The following AGPAT3 variants were observed in gnomAD, a reference collection of about 807,000 sequenced individuals.
AGPAT3 encodes the protein 1-acyl-sn-glycerol-3-phosphate acyltransferase gamma.
A neutral mutation model predicts 47.3 loss-of-function variants in AGPAT3; 5 were observed. The ratio of observed to expected loss-of-function variants is 0.11; its 90% CI spans 0.06 to 0.22. AGPAT3 has a LOEUF of 0.22. Among genes scored for constraint, AGPAT3 ranks in the 10% least tolerant of loss-of-function variants. The pLI, the probability that AGPAT3 is intolerant of heterozygous loss-of-function variation, is 1.00. For synonymous variants in AGPAT3, 212 were observed against 208.3 expected, an observed-to-expected ratio of 1.02 and a Z score of -0.15; for missense variants, 315 against 493.0, an observed-to-expected ratio of 0.64 and a Z score of 3.42.
intron 2 of AGPAT3, among the ~76,000 whole-genome samples, chr21:43,945,349 G>C (rs1054298101): frequency 9.2e-5 from 14 of 152,156 alleles, no homozygotes; most frequent in Non-Finnish European, 4.4e-5. Flanking sequence ...AAGAAAATTC[G>C]GCTGAACTGT....
At chr21:43,961,829 T>C (rs2088880660) in intron 3 of AGPAT3, among the ~76,000 whole-genome samples, 2 of 152,184 alleles carry the variant, frequency 1.3e-5, no homozygotes. Context: ...TGTAACCTTG[T>C]CTGCACGATC....
chr21:43,955,146 C>T lies in AGPAT3; in HGVS notation c.-48-4488C>T, dbSNP rs770130829. 5.9e-5 allele frequency: 75 copies of T among 1,276,060 alleles called. No homozygotes were observed. Among genetic ancestry groups the T allele is most frequent in the Non-Finnish European group, 6.3e-5 (62 of 980,510 alleles). The allele number at this position is 1,276,060 out of a possible 1,614,324, so 79.0% of individuals were successfully genotyped here. A position where few individuals can be genotyped will look rare whatever the true frequency, so the allele number is the denominator to read the frequency against. ...GGGGGTCACTCAGCAGCCACGGATG[C>T]GCCCTGGGTGCTGTCCCGGGGCCGT... On this transcript the variant is annotated intron_variant, in intron 2 of 9. Coordinates refer to ENST00000291572, the MANE Select transcript of AGPAT3 (RefSeq NM_020132.5). This position sits in a 1 kb window ranked among gnomAD's most constrained non-coding sequence, Gnocchi z 4.1.
chr21:43,926,476 G>T (rs553403791), intron 2 of AGPAT3, among the ~76,000 whole-genome samples: 1 of 152,146 alleles, frequency 6.6e-6, no homozygotes, highest in South Asian at 2.1e-4. Flanking sequence ...GCGTTGGCTC[G>T]GGTGTTTCAT....
intron 1 of AGPAT3, among the ~76,000 whole-genome samples, chr21:43,878,421 G>A (rs779163024): frequency 3.9e-5 from 6 of 152,184 alleles, no homozygotes; most frequent in Non-Finnish European, 5.9e-5. Flanking sequence ...TTGCCCCCTC[G>A]AGGGAGGGCT....
chr21:43,892,491 A>G (rs1463829827), intron 1 of AGPAT3, among the ~76,000 whole-genome samples: 1 of 152,210 alleles, frequency 6.6e-6, no homozygotes, highest in East Asian at 1.9e-4. Context: ...CCTGAGCAGT[A>G]GGTCTCAACA....
Position 43,868,617 on chromosome 21 carries a change from C to T in AGPAT3, c.-112+3272C>T, listed in dbSNP as rs534639890. Among the ~76,000 whole-genome samples the T allele has an allele frequency of 2.0e-5, 3 of 152,286 alleles. No homozygotes were observed. In the South Asian group the frequency reaches 6.2e-4, roughly 32 times the overall value. ...ACAAGCTGTACAAGGAAATACCTGT[C>T]CTGAGATCGATTACTCACCCCTGAC... is the stretch of plus-strand genomic sequence containing the variant. On this transcript the variant is annotated intron_variant, in intron 1 of 9. Coordinates refer to ENST00000291572, the MANE Select transcript of AGPAT3 (RefSeq NM_020132.5).
At chr21:43,938,689 G>C (rs2087534771) in intron 2 of AGPAT3, among the ~76,000 whole-genome samples, 1 of 152,194 alleles carries the variant, frequency 6.6e-6, no homozygotes. Context: ...GATCTGCCTG[G>C]TTGCCTTACC....
Position 43,937,368 on chromosome 21 carries a change from C to T in AGPAT3, c.-48-22266C>T, listed in dbSNP as rs146793487. Reference sequence around the variant, plus strand: ...AGGTGGGAAGCCCCAGGGGTCAGCTCCTCTACGCTGGCCTTTGCTTGGCTT... The same window carrying T: ...AGGTGGGAAGCCCCAGGGGTCAGCTTCTCTACGCTGGCCTTTGCTTGGCTT... On this transcript the variant is annotated intron_variant, in intron 2 of 9. Transcript: ENST00000291572. Among the ~76,000 whole-genome samples, 4 of 152,342 alleles carry T rather than the reference C, an allele frequency of 2.6e-5. No homozygotes were observed. The East Asian group carries it at 7.7e-4, about 29-fold the overall frequency.
rs544257477 is a variant in AGPAT3 at position 43,955,110 on chromosome 21, G to A, written c.-48-4524G>A. On this transcript the variant is annotated intron_variant, in intron 2 of 9. Coordinates refer to ENST00000291572, the MANE Select transcript of AGPAT3 (RefSeq NM_020132.5). The surrounding 1 kb of genome is among the most constrained non-coding windows in gnomAD (Gnocchi z 4.1). ...GGCAGGGAGCGTATCACCGTGGCAC[G>A]TCCATGCCGTGGGGGTCACTCAGCA... 27 of 1,272,032 alleles carry A rather than the reference G, an allele frequency of 2.1e-5. No homozygotes were observed. The highest frequency in any genetic ancestry group is 9.2e-5 in the African/African-American group (6 of 65,444). The allele number at this position is 1,272,032 out of a possible 1,614,324, so 78.8% of individuals were successfully genotyped here.
intron 1 of AGPAT3, among the ~76,000 whole-genome samples, chr21:43,893,962 G>A (rs2086156952): frequency 6.6e-6 from 1 of 152,220 alleles, no homozygotes; most frequent in Non-Finnish European, 1.5e-5. Context: ...AGCACTTGAT[G>A]TTGGAAAAAC....
At chr21:43,960,757 G>A (rs1438584213) in intron 3 of AGPAT3, 1 of 985,286 alleles carries the variant, frequency 1.0e-6, no homozygotes, top group Non-Finnish European at 1.2e-6. Context: ...AAGCGAAAAA[G>A]GAAGTATACA....
At chr21:43,962,799 C>A (rs1450260489) in intron 3 of AGPAT3, among the ~76,000 whole-genome samples, 4 of 152,180 alleles carry the variant, frequency 2.6e-5, no homozygotes, top group African/African-American at 9.7e-5. Flanking sequence ...GAGAAAGTCT[C>A]ATTCAGGCCT....
chr21:43,964,598 C>G lies in AGPAT3; in HGVS notation c.179-3348C>G, dbSNP rs147173599. Among the ~76,000 whole-genome samples, 293 of 152,216 alleles carry G rather than the reference C, an allele frequency of 1.9e-3. 1 individual carries two copies. The highest frequency in any genetic ancestry group is 6.5e-3 in the African/African-American group (270 of 41,542). ...AAGATAAAGAAAAAAAGGTAAATCTCTTTTGTTAATGCAAGAAAGTAGAAA... is the reference window on the plus strand; with the variant it reads ...AAGATAAAGAAAAAAAGGTAAATCTGTTTTGTTAATGCAAGAAAGTAGAAA... On this transcript the variant is annotated intron_variant, in intron 3 of 9. Coordinates refer to ENST00000291572, the MANE Select transcript of AGPAT3 (RefSeq NM_020132.5).
intron 7 of AGPAT3, among the ~76,000 whole-genome samples, chr21:43,975,566 G>A (rs572486917): frequency 1.3e-5 from 2 of 152,312 alleles, no homozygotes; most frequent in South Asian, 2.1e-4. Flanking sequence ...ACCCTAGAGC[G>A]TGGAGACCTG....
At chr21:43,874,257 C>A (rs182101912) in intron 1 of AGPAT3, among the ~76,000 whole-genome samples, 1 of 152,234 alleles carries the variant, frequency 6.6e-6, no homozygotes, top group East Asian at 1.9e-4. Context: ...AACTCCTGAC[C>A]TCAGGCAATC....
At chr21:43,910,218 C>T (rs577173055) in intron 2 of AGPAT3, among the ~76,000 whole-genome samples, 1 of 152,328 alleles carries the variant, frequency 6.6e-6, no homozygotes, top group Admixed American at 6.5e-5. Context: ...AGTGCGTGTT[C>T]AGCCCTGATG....
chr21:43,935,051 A>T (rs916087640), intron 2 of AGPAT3, among the ~76,000 whole-genome samples: 4 of 152,024 alleles, frequency 2.6e-5, no homozygotes, highest in African/African-American at 9.7e-5. Flanking sequence ...CACCCACACC[A>T]CTCACATGCC....
At position 43,985,476 on chromosome 21, in the gene AGPAT3, C is replaced by T. The variant is rs1254626045; in HGVS notation, c.*3084C>T. On this transcript the variant is annotated 3_prime_UTR_variant, in exon 10 of 10. Coordinates refer to ENST00000291572, the MANE Select transcript of AGPAT3 (RefSeq NM_020132.5). Reference sequence around the variant, plus strand: ...CCTGTCCCGACTCCCTTTCGCGCACCGTGGCATGAGAATCTTTCCTCACGC... The same window carrying T: ...CCTGTCCCGACTCCCTTTCGCGCACTGTGGCATGAGAATCTTTCCTCACGC... 6.3e-6 allele frequency: 2 copies of T among 316,764 alleles called. No individual in the cohort carries two copies. Among genetic ancestry groups the T allele is most frequent in the African/African-American group, 4.4e-5 (2 of 45,532 alleles). 19.6% of individuals were successfully genotyped at this position (316,764 alleles called of 1,614,324 possible). A position where few individuals can be genotyped will look rare whatever the true frequency, so the allele number is the denominator to read the frequency against.
rs536754249 is a variant in AGPAT3 at position 43,886,363 on chromosome 21, C to T, written c.-111-17594C>T. Among the ~76,000 whole-genome samples the T allele has an allele frequency of 1.3e-3, 204 of 152,300 alleles. 2 individuals are homozygous for T. Among genetic ancestry groups the T allele is most frequent in the Middle Eastern group, 3.4e-3 (1 of 294 alleles). On this transcript the variant is annotated intron_variant, in intron 1 of 9. Transcript: ENST00000291572. ...CTGCCTCCCGGGTTCAAGTGATTCTCATGCCTCAGTCTCCCGAATAGCTGG... is the reference window on the plus strand; with the variant it reads ...CTGCCTCCCGGGTTCAAGTGATTCTTATGCCTCAGTCTCCCGAATAGCTGG...
Sources: allele counts gnomAD v4.1 joint callset (sites outside exome capture counted in the v4.1 genomes callset), GRCh38; gene constraint gnomAD v4.1.1; non-coding constraint Gnocchi (gnomAD v3.1); transcripts MANE v1.5; gene names NCBI Gene and HGNC (gene_info 2026-07-23, HGNC 2026-07-21).